Variants in DLC1 observed in about 807,000 individuals in gnomAD.
DLC1 encodes DLC1 Rho GTPase activating protein, also known as rho GTPase-activating protein 7.
DLC1 carries 54 observed loss-of-function variants against 140.3 expected under a neutral mutation model. The observed-to-expected ratio is 0.38, with a 90% CI of 0.31 to 0.48. DLC1 has a LOEUF of 0.48. Ranked by LOEUF, DLC1 falls within the 20% of genes least tolerant of loss-of-function variation. The pLI is 0.96. For missense variants in DLC1, 2,536 were observed against 1,907.0 expected (o/e 1.33, Z -6.14); for synonymous variants, 986 against 728.1 (o/e 1.35, Z -5.70).
At chr8:13,330,349 C>T (rs192210018) in intron 4 of DLC1, among the ~76,000 whole-genome samples, 6 of 152,252 alleles carry the variant, frequency 3.9e-5, no homozygotes, top group South Asian at 2.1e-4. Context: ...AGAGGTGGAA[C>T]GTTAGCAAAC....
In DLC1 at chr8:13,378,009, C is replaced by G. The variant is rs546123934; in HGVS notation, c.1314+15544G>C. 5.0e-3 allele frequency among the ~76,000 whole-genome samples: 754 copies of G among 150,892 alleles called. 2 individuals are homozygous for G. Among genetic ancestry groups the G allele is most frequent in the South Asian group, 0.011 (53 of 4,754 alleles). On this transcript the variant is annotated intron_variant, in intron 4 of 17. Coordinates refer to ENST00000276297, the MANE Select transcript of DLC1 (RefSeq NM_182643.3). ...GTAGTAGTACCTTTGAAGTAGTACT[C>G]TTTTAAGTGTTAATGATGTTACTAT...
At chr8:13,445,626 T>C (rs888488666) in intron 2 of DLC1, among the ~76,000 whole-genome samples, 1 of 152,160 alleles carries the variant, frequency 6.6e-6, no homozygotes, top group Non-Finnish European at 1.5e-5. Flanking sequence ...ACAAAATTAG[T>C]ATCTATGACA....
At chr8:13,459,537 T>C (rs1208489893) in intron 2 of DLC1, among the ~76,000 whole-genome samples, 3 of 152,202 alleles carry the variant, frequency 2.0e-5, no homozygotes, top group Non-Finnish European at 4.4e-5. Context: ...ATAAGTATTG[T>C]CTCTCTGTTC....
chr8:13,192,319 G>T (rs1332298172), intron 5 of DLC1, among the ~76,000 whole-genome samples: 1 of 152,126 alleles, frequency 6.6e-6, no homozygotes, highest in Non-Finnish European at 1.5e-5. Flanking sequence ...AATTTTGGGT[G>T]ATGCCCTTTT....
chr8:13,150,388 G>T (rs1393716079), intron 5 of DLC1, among the ~76,000 whole-genome samples: 2 of 151,968 alleles, frequency 1.3e-5, no homozygotes, highest in East Asian at 3.9e-4. Flanking sequence ...AATAATAAGG[G>T]TTTCATTGTC....
intron 4 of DLC1, among the ~76,000 whole-genome samples, chr8:13,367,582 T>C (rs577100963): frequency 6.6e-6 from 1 of 152,324 alleles, no homozygotes; most frequent in Non-Finnish European, 1.5e-5. Flanking sequence ...TATTTGTTTT[T>C]GTGAAGGGTG....
At chr8:13,514,470 A>G (rs928225223) in intron 1 of DLC1, 132 bp downstream of exon 1, 4 of 397,064 alleles carry the variant, frequency 1.0e-5, no homozygotes, top group African/African-American at 6.2e-5. Context: ...AACATTTTCC[A>G]CTTCTGATTT....
chr8:13,567,591 C>A (rs1471043709), intron 1 of DLC1: 2 of 1,551,764 alleles, frequency 1.3e-6, no homozygotes, highest in African/African-American at 1.4e-5. Context: ...ATCAGTGTCC[C>A]TATTGTAACA....
chr8:13,441,395 A>T (rs1046481510), intron 2 of DLC1, among the ~76,000 whole-genome samples: 2 of 152,236 alleles, frequency 1.3e-5, no homozygotes, highest in African/African-American at 4.8e-5. Flanking sequence ...AGGGTATTCA[A>T]TTAGGAAAAG....
intron 1 of DLC1, among the ~76,000 whole-genome samples, chr8:13,587,012 A>G (rs1805342893): frequency 6.6e-6 from 1 of 151,858 alleles, no homozygotes; most frequent in African/African-American, 2.4e-5. Context: ...TGTCTAGTAG[A>G]GAGTTAGAAA....
chr8:13,505,986 C>T (rs531978307), intron 1 of DLC1, among the ~76,000 whole-genome samples: 2 of 152,266 alleles, frequency 1.3e-5, no homozygotes, highest in East Asian at 3.9e-4. Context: ...AAGATGGCAA[C>T]TTTTGTATTC....
rs945085126 is a variant in DLC1 at position 13,086,366 on chromosome 8, G to A, written c.4390C>T (p.Leu1464Phe). The change falls in exon 17 of 18, where the codon CTC (leucine) becomes TTC (phenylalanine). Residue 1464 changes from leucine to phenylalanine, a missense_variant. By Grantham distance (22) the Leu-to-Phe change is conservative. Transcript: ENST00000276297. The part of the protein sequence containing the change: ...APVVGVRVNV[L>F]LSRYLIEPCG... ...GGTTCAATCAAATACCTGGACAAGA[G>A]CACATTAACCCTCACACCCACCACA... 3.7e-6 allele frequency: 6 copies of A among 1,614,090 alleles called. No individual in the cohort carries two copies. In the African/African-American group the frequency reaches 5.3e-5, roughly 14 times the overall value.
At chr8:13,471,721 G>A (rs913553801) in intron 2 of DLC1, among the ~76,000 whole-genome samples, 2 of 151,898 alleles carry the variant, frequency 1.3e-5, no homozygotes, top group Non-Finnish European at 2.9e-5. Flanking sequence ...GAGAGAAAGG[G>A]CAGGATGAAA....
chr8:13,508,897 T>C (rs1404324257), intron 1 of DLC1, among the ~76,000 whole-genome samples: 1 of 152,220 alleles, frequency 6.6e-6, no homozygotes, highest in Non-Finnish European at 1.5e-5. Context: ...AATTATCTTC[T>C]TTGCCATAAT....
At chr8:13,487,980 T>G (rs1801047597) in intron 2 of DLC1, among the ~76,000 whole-genome samples, 1 of 152,212 alleles carries the variant, frequency 6.6e-6, no homozygotes, top group Non-Finnish European at 1.5e-5. Context: ...CTAAAATACC[T>G]TTGGGGACCT....
chr8:13,099,513 G>C lies in DLC1; in HGVS notation c.2824C>G (p.Pro942Ala), dbSNP rs762789951. Reference sequence around the variant, plus strand: ...ATCTGTTTTGGAGAGGACGGGCAGGGAGAGACCGAGTCCAGGGCTGAGTCC... The same window carrying C: ...ATCTGTTTTGGAGAGGACGGGCAGGCAGAGACCGAGTCCAGGGCTGAGTCC... ...DSDSALDSVS[P>A]CPSSPKQIHL... The change falls in exon 9 of 18, where the codon CCC (proline) becomes GCC (alanine). Residue 942 changes from proline (P) to alanine (A), a missense_variant. Coordinates refer to ENST00000276297, the MANE Select transcript of DLC1 (RefSeq NM_182643.3). 6.2e-7 allele frequency: 1 copy of C among 1,614,164 alleles called. No homozygotes were observed. Among genetic ancestry groups the C allele is most frequent in the South Asian group, 1.1e-5 (1 of 91,082 alleles).
At chr8:13,261,449 G>C (rs2117331911) in intron 5 of DLC1, among the ~76,000 whole-genome samples, 1 of 152,258 alleles carries the variant, frequency 6.6e-6, no homozygotes, top group East Asian at 1.9e-4. Context: ...TTGTGTGAGG[G>C]AAAGATATTG....
intron 4 of DLC1, among the ~76,000 whole-genome samples, chr8:13,325,184 T>A (rs1833287630): frequency 6.6e-6 from 1 of 152,072 alleles, no homozygotes. Flanking sequence ...ATCTCAGAAG[T>A]TGGTCAGTGT....
intron 4 of DLC1, among the ~76,000 whole-genome samples, chr8:13,364,749 C>T (rs573701801): frequency 3.5e-4 from 54 of 152,290 alleles, no homozygotes; most frequent in African/African-American, 1.2e-3. Flanking sequence ...TCTTTGTCAG[C>T]CTTTCAAAGA....
Sources: gnomAD v4.1 joint callset for allele counts (sites outside exome capture counted in the v4.1 genomes callset) on GRCh38, gnomAD v4.1.1 for gene constraint, MANE v1.5 for transcripts, NCBI Gene and HGNC (gene_info 2026-07-23, HGNC 2026-07-21) for gene names.